ARHGEF28: variants seen among roughly 807,000 people sequenced by gnomAD.
ARHGEF28 encodes the protein Rho guanine nucleotide exchange factor 28, also known as 190 kDa guanine nucleotide exchange factor.
ARHGEF28 carries 152 observed loss-of-function variants against 206.6 expected under a neutral mutation model. The observed-to-expected ratio is 0.74, with a 90% confidence interval of 0.64 to 0.84. The LOEUF (loss-of-function observed/expected upper bound fraction) is 0.84. ARHGEF28 is among the 40% of genes least tolerant of loss of function. The pLI is 0.00. For synonymous variants in ARHGEF28, 763 were observed against 776.4 expected (o/e 0.98, Z 0.29); for missense variants, 2,028 against 2,073.2 (o/e 0.98, Z 0.42).
In ARHGEF28 at chr5:73,741,196, G is replaced by C. The variant is rs377563749; in HGVS notation, c.34-8641G>C. 6.2e-4 allele frequency among the ~76,000 whole-genome samples: 94 copies of C among 151,896 alleles called. 2 individuals carry two copies. Among genetic ancestry groups the C allele is most frequent in the African/African-American group, 2.1e-3 (87 of 41,420 alleles). ...CTTTATAAAGCCTGCTTCTGGTCTT[G>C]TGAGGAATCTGGAGTCATTTGCTGA... On this transcript the variant is annotated intron_variant, in intron 2 of 35. Coordinates refer to ENST00000513042, the MANE Select transcript of ARHGEF28 (RefSeq NM_001177693.2).
At chr5:73,886,586 C>T (rs374670898) in intron 25 of ARHGEF28, among the ~76,000 whole-genome samples, 6 of 152,332 alleles carry the variant, frequency 3.9e-5, no homozygotes, top group African/African-American at 1.4e-4. Flanking sequence ...AGCTTTTCCT[C>T]AGTGCTACTG....
intron 1 of ARHGEF28, among the ~76,000 whole-genome samples, chr5:73,640,020 T>C (rs1043338816): frequency 6.6e-6 from 1 of 152,214 alleles, no homozygotes; most frequent in East Asian, 1.9e-4. Flanking sequence ...TAAAATGAGA[T>C]GCACATACGG....
chr5:73,762,476 C>T lies in ARHGEF28; in HGVS notation c.475+9274C>T, dbSNP rs1001459683. Among the ~76,000 whole-genome samples, 4 of 119,492 alleles carry T rather than the reference C, an allele frequency of 3.3e-5. No homozygotes were observed. In the East Asian group the frequency reaches 9.4e-4, roughly 28 times the overall value. The allele number at this position is 119,492 out of a possible 152,430, so 78.4% of individuals were successfully genotyped here. A position where few individuals can be genotyped will look rare whatever the true frequency, so the allele number is the denominator to read the frequency against. ...CTCTCAAAAAAAAAAAAAAAAAAAA[C>T]AAAACAACAACAACAAAATCTATTT... On this transcript the variant is annotated intron_variant, in intron 4 of 35. Transcript: ENST00000513042.
At chr5:73,874,198 T>C (rs2112646259) in intron 22 of ARHGEF28, among the ~76,000 whole-genome samples, 1 of 152,296 alleles carries the variant, frequency 6.6e-6, no homozygotes, top group East Asian at 1.9e-4. Context: ...TTTATGTCTT[T>C]TGCTGATTTT....
chr5:73,657,088 G>A (rs1745259976), intron 1 of ARHGEF28, among the ~76,000 whole-genome samples: 1 of 150,692 alleles, frequency 6.6e-6, no homozygotes, highest in Admixed American at 6.7e-5. Flanking sequence ...CAGGAGAAAG[G>A]GGAGAACCTG....
At chr5:73,723,235 C>G (rs2112334403) in intron 2 of ARHGEF28, among the ~76,000 whole-genome samples, 1 of 152,238 alleles carries the variant, frequency 6.6e-6, no homozygotes, top group East Asian at 1.9e-4. Flanking sequence ...TGTCGCCAGG[C>G]TGGAGTGCAG....
At chr5:73,767,424 A>G (rs553761562) in intron 4 of ARHGEF28, among the ~76,000 whole-genome samples, 1 of 152,308 alleles carries the variant, frequency 6.6e-6, no homozygotes, top group South Asian at 2.1e-4. Context: ...AAATGATTAT[A>G]GCAATATGGA....
chr5:73,873,636 A>G (rs1253893666), intron 22 of ARHGEF28, among the ~76,000 whole-genome samples: 1 of 152,130 alleles, frequency 6.6e-6, no homozygotes, highest in Non-Finnish European at 1.5e-5. Flanking sequence ...TCTTCTCCAA[A>G]TGTACTGTTT....
chr5:73,894,007 C>T (rs187240181), intron 28 of ARHGEF28, among the ~76,000 whole-genome samples: 66 of 150,084 alleles, frequency 4.4e-4, no homozygotes, highest in Non-Finnish European at 3.7e-4. Context: ...TAGCCTGTGC[C>T]GTTCCAGGCA....
chr5:73,894,456 C>T lies in ARHGEF28; in HGVS notation c.3722C>T (p.Ala1241Val). The change falls in exon 29 of 36, where the codon GCT becomes GTT. Residue 1241 changes from alanine (A) to valine (V), a missense_variant. Transcript: ENST00000513042. ...TTGGAGGAGAAGCTGCATATCTATGCTGAACTTGGAGAACTGAGCGGATTT... is the reference window on the plus strand; with the variant it reads ...TTGGAGGAGAAGCTGCATATCTATGTTGAACTTGGAGAACTGAGCGGATTT... ...AYLEEKLHIY[A>V]ELGELSGFED... 1 of 1,613,876 alleles carries T rather than the reference C, an allele frequency of 6.2e-7. No individual in the cohort carries two copies.
Position 73,795,710 on chromosome 5 carries a change from T to A in ARHGEF28, c.1024+319T>A, listed in dbSNP as rs372446211. On this transcript the variant is annotated intron_variant, in intron 9 of 35. Coordinates refer to ENST00000513042, the MANE Select transcript of ARHGEF28 (RefSeq NM_001177693.2). ...GAAGTAGGCACTACCAGTCTCAGGTTCAGGTGAAGCAGTTGAAGCACTGGT... is the reference window on the plus strand; with the variant it reads ...GAAGTAGGCACTACCAGTCTCAGGTACAGGTGAAGCAGTTGAAGCACTGGT... Among the ~76,000 whole-genome samples, 247 of 152,322 alleles carry A rather than the reference T, an allele frequency of 1.6e-3. 2 individuals carry two copies. The highest frequency in any genetic ancestry group is 6.8e-3 in the Middle Eastern group (2 of 294).
intron 13 of ARHGEF28, among the ~76,000 whole-genome samples, chr5:73,849,645 G>A (rs1758579111): frequency 6.6e-6 from 1 of 151,780 alleles, no homozygotes; most frequent in Non-Finnish European, 1.5e-5. Flanking sequence ...TTTAAATGTA[G>A]GATACATACA....
At chr5:73,665,338 T>A (rs982485543) in intron 1 of ARHGEF28, among the ~76,000 whole-genome samples, 4 of 152,186 alleles carry the variant, frequency 2.6e-5, no homozygotes, top group African/African-American at 9.6e-5. Context: ...TTTATTTTTT[T>A]AGAGACAGGG....
At chr5:73,714,455 T>C (rs1225838776) in intron 2 of ARHGEF28, among the ~76,000 whole-genome samples, 1 of 152,192 alleles carries the variant, frequency 6.6e-6, no homozygotes, top group Non-Finnish European at 1.5e-5. Context: ...TGTTGAAATG[T>C]GTCCAGTGAT....
At chr5:73,806,329 G>T in intron 9 of ARHGEF28, among the ~76,000 whole-genome samples, 1 of 126,880 alleles carries the variant, frequency 7.9e-6, no homozygotes, top group Admixed American at 8.2e-5. Context: ...ATACTCTATA[G>T]AGTATATATA....
intron 2 of ARHGEF28, among the ~76,000 whole-genome samples, chr5:73,736,327 G>A (rs72770847): frequency 0.19 from 28,503 of 152,062 alleles, 2,920 homozygotes; most frequent in Non-Finnish European, 0.23. Flanking sequence ...ACAGTGGCAG[G>A]GCTTGCTGGG....
chr5:73,790,525 C>G (rs751305525), intron 7 of ARHGEF28, among the ~76,000 whole-genome samples: 1 of 152,098 alleles, frequency 6.6e-6, no homozygotes, highest in Non-Finnish European at 1.5e-5. Flanking sequence ...CAGTAGGGAC[C>G]AGTGGAGCTT....
At chr5:73,723,345 G>A (rs926036460) in intron 2 of ARHGEF28, among the ~76,000 whole-genome samples, 3 of 152,014 alleles carry the variant, frequency 2.0e-5, no homozygotes, top group East Asian at 1.9e-4. Context: ...GTGCCACCAC[G>A]CCCAGCTAAT....
intron 10 of ARHGEF28, among the ~76,000 whole-genome samples, chr5:73,834,542 CTGTG>C (rs34258155): frequency 0.71 from 103,561 of 146,120 alleles, 37,130 homozygotes; most frequent in Admixed American, 0.78. Context: ...AATAATATTC[CTGTG>C]TGTGTGTGTG....
Sources: gnomAD v4.1 joint callset for allele counts (sites outside exome capture counted in the v4.1 genomes callset) on GRCh38, gnomAD v4.1.1 for gene constraint, MANE v1.5 for transcripts, NCBI Gene and HGNC (gene_info 2026-07-23, HGNC 2026-07-21) for gene names.